The following MYRIP variants were observed in gnomAD, a reference collection of about 807,000 sequenced individuals.
MYRIP encodes rab effector MyRIP.
MYRIP carries 49 observed loss-of-function variants against 98.0 expected under a neutral mutation model. That is an observed-to-expected ratio of 0.50 (90% CI 0.40 to 0.63). The LOEUF (loss-of-function observed/expected upper bound fraction) is 0.63. MYRIP is among the 30% of genes least tolerant of loss of function. MYRIP has a pLI of 0.00. For synonymous variants in MYRIP, 404 were observed against 409.5 expected (o/e 0.99, Z 0.16); for missense variants, 1,004 against 1,058.2 (o/e 0.95, Z 0.71).
At chr3:39,976,512 A>C (rs1006794558) in intron 2 of MYRIP, among the ~76,000 whole-genome samples, 6 of 152,214 alleles carry the variant, frequency 3.9e-5, no homozygotes, top group African/African-American at 1.4e-4. Context: ...CTAGAACTAG[A>C]AATACCATTT....
At chr3:40,186,784 T>C (rs1054257401) in intron 9 of MYRIP, among the ~76,000 whole-genome samples, 1 of 152,188 alleles carries the variant, frequency 6.6e-6, no homozygotes, top group Non-Finnish European at 1.5e-5. Flanking sequence ...AAAATCAATA[T>C]AACTACTTAC....
At chr3:39,854,305 C>T (rs1030767986) in intron 1 of MYRIP, among the ~76,000 whole-genome samples, 4 of 152,118 alleles carry the variant, frequency 2.6e-5, no homozygotes, top group Non-Finnish European at 2.9e-5. Context: ...GGTCTTTTAG[C>T]ATAATCTCAA....
At chr3:39,951,587 TA>T (rs1420870048) in intron 2 of MYRIP, among the ~76,000 whole-genome samples, 9 of 152,210 alleles carry the variant, frequency 5.9e-5, no homozygotes, top group Non-Finnish European at 1.3e-4. Flanking sequence ...TATCTTTCAA[TA>T]AACTTTGTGA....
rs115107653 is a variant in MYRIP at position 40,044,991 on chromosome 3, G to A, written c.332+720G>A. Reference sequence around the variant, plus strand: ...GATGAGTATGATAAACCAGTGTTTGGTATTTGTCTGTGCTGATCCTAGCAT... The same window carrying A: ...GATGAGTATGATAAACCAGTGTTTGATATTTGTCTGTGCTGATCCTAGCAT... On this transcript the variant is annotated intron_variant, in intron 3 of 16. Coordinates refer to ENST00000302541, the MANE Select transcript of MYRIP (RefSeq NM_015460.4). Among the ~76,000 whole-genome samples, 758 of 152,252 alleles carry A rather than the reference G, an allele frequency of 5.0e-3. 4 individuals carry two copies. Among genetic ancestry groups the A allele is most frequent in the African/African-American group, 0.017 (704 of 41,566 alleles).
At position 40,170,182 on chromosome 3, in the gene MYRIP, T is replaced by C. The variant is rs1195254875; in HGVS notation, c.873+89T>C. The C allele has an allele frequency of 2.1e-5, 32 of 1,502,282 alleles. No individual in the cohort carries two copies. In the Middle Eastern group the frequency reaches 7.3e-4, roughly 34 times the overall value. The allele number at this position is 1,502,282 out of a possible 1,614,324, so 93.1% of individuals were successfully genotyped here. ...CTCTGTAGTTGAATCAGGTGGCCAC[T>C]GGCCAGGGTAAAAATTTCAGAAGGA... On this transcript the variant is annotated intron_variant, in intron 8 of 16. Transcript: ENST00000302541.
chr3:39,998,869 C>T (rs1462004890), intron 2 of MYRIP, among the ~76,000 whole-genome samples: 6 of 152,056 alleles, frequency 3.9e-5, no homozygotes, highest in Admixed American at 1.3e-4. Context: ...TCAGAAATAA[C>T]GCCGCATATC....
chr3:39,816,655 G>A (rs1449706574), intron 1 of MYRIP, among the ~76,000 whole-genome samples: 7 of 152,132 alleles, frequency 4.6e-5, no homozygotes, highest in African/African-American at 9.7e-5. Flanking sequence ...GGGGGAGGCC[G>A]GCCCAAATGG....
chr3:40,173,400 T>A (rs1950668220), intron 8 of MYRIP: 1 of 152,192 alleles, frequency 6.6e-6, no homozygotes, highest in African/African-American at 2.4e-5. Flanking sequence ...CTCCTTGTCA[T>A]GCATATGGTT....
At chr3:39,890,030 T>C (rs1430961547) in intron 1 of MYRIP, among the ~76,000 whole-genome samples, 8 of 152,154 alleles carry the variant, frequency 5.3e-5, no homozygotes, top group Non-Finnish European at 1.2e-4. Flanking sequence ...CATTCTTCTC[T>C]ACTCCTCCCA....
intron 3 of MYRIP, among the ~76,000 whole-genome samples, chr3:40,118,084 T>C (rs931613133): frequency 2.6e-5 from 4 of 152,030 alleles, no homozygotes; most frequent in African/African-American, 7.2e-5. Flanking sequence ...TTTCAGAAAA[T>C]GCAACACAAA....
At chr3:39,952,881 T>C (rs982306047) in intron 2 of MYRIP, among the ~76,000 whole-genome samples, 1 of 152,174 alleles carries the variant, frequency 6.6e-6, no homozygotes, top group Non-Finnish European at 1.5e-5. Context: ...CCCACATATG[T>C]ACAGCCTCCC....
At chr3:39,959,324 C>T (rs1456098387) in intron 2 of MYRIP, among the ~76,000 whole-genome samples, 2 of 152,286 alleles carry the variant, frequency 1.3e-5, no homozygotes, top group East Asian at 1.9e-4. Flanking sequence ...ACATATACAC[C>T]ATGGAATACT....
chr3:39,823,962 T>A (rs1323205654), intron 1 of MYRIP, among the ~76,000 whole-genome samples: 1 of 152,214 alleles, frequency 6.6e-6, no homozygotes, highest in African/African-American at 2.4e-5. Flanking sequence ...CCCCTATGTT[T>A]TTATCTAGTA....
intron 3 of MYRIP, chr3:40,071,119 T>C (rs1208201216): frequency 3.0e-6 from 3 of 984,856 alleles, no homozygotes; most frequent in East Asian, 1.1e-4. Context: ...GAGAGTCATT[T>C]TGATGTCCTC....
intron 2 of MYRIP, among the ~76,000 whole-genome samples, chr3:40,018,202 G>A (rs1946912568): frequency 6.6e-6 from 1 of 152,104 alleles, no homozygotes; most frequent in African/African-American, 2.4e-5. Context: ...CAGTGCTTTT[G>A]TATTCTTTTG....
At chr3:39,950,748 G>A (rs150280094) in intron 2 of MYRIP, among the ~76,000 whole-genome samples, 12 of 152,198 alleles carry the variant, frequency 7.9e-5, no homozygotes, top group African/African-American at 2.4e-4. Context: ...GCTTGATAAC[G>A]GATGCTACAA....
chr3:40,042,750 AGAC>A (rs1947569891), intron 2 of MYRIP, among the ~76,000 whole-genome samples: 2 of 152,332 alleles, frequency 1.3e-5, no homozygotes, highest in East Asian at 3.9e-4. Flanking sequence ...AATTTAGTAT[AGAC>A]GCTCCTTGAT....
At chr3:40,003,012 A>G (rs940622254) in intron 2 of MYRIP, among the ~76,000 whole-genome samples, 2 of 140,534 alleles carry the variant, frequency 1.4e-5, no homozygotes, top group Non-Finnish European at 3.1e-5. Context: ...ACATGTATAA[A>G]TACATATGTA....
intron 13 of MYRIP, among the ~76,000 whole-genome samples, chr3:40,246,181 T>A (rs1953196468): frequency 6.6e-6 from 1 of 152,080 alleles, no homozygotes; most frequent in East Asian, 1.9e-4. Flanking sequence ...AGGGTTTTTT[T>A]TTCGGCCAAG....
Sources: allele counts gnomAD v4.1 joint callset (sites outside exome capture counted in the v4.1 genomes callset), GRCh38; gene constraint gnomAD v4.1.1; transcripts MANE v1.5; gene names NCBI Gene and HGNC (gene_info 2026-07-23, HGNC 2026-07-21).